ARMC5: variants seen among roughly 807,000 people sequenced by gnomAD.
ARMC5 encodes the protein armadillo repeat-containing protein 5.
In ARMC5, 28 loss-of-function variants were observed where a neutral mutation model predicts 60.5. The observed-to-expected ratio is 0.46, with a 90% confidence interval of 0.34 to 0.63. The LOEUF (loss-of-function observed/expected upper bound fraction) is 0.63. ARMC5 is among the 30% of genes least tolerant of loss of function. The pLI is 0.01. For synonymous variants in ARMC5, 680 were observed against 607.3 expected, an observed-to-expected ratio of 1.12 and a Z score of -1.76; for missense variants, 1,189 against 1,304.9, an observed-to-expected ratio of 0.91 and a Z score of 1.37.
chr16:31,465,746 C>T, intron 4 of ARMC5, 104 bp from the exon 5 acceptor site: 1 of 1,558,936 alleles, frequency 6.4e-7, no homozygotes, highest in Admixed American at 2.0e-5. Flanking sequence ...GATTTCTCAC[C>T]CAGAGGTTTC....
Position 31,459,673 on chromosome 16 carries a change from G to T in ARMC5, c.149G>T (p.Arg50Leu). 1 of 1,579,966 alleles carries T rather than the reference G, an allele frequency of 6.3e-7. No individual in the cohort carries two copies. Among genetic ancestry groups the T allele is most frequent in the Non-Finnish European group, 8.5e-7 (1 of 1,171,324 alleles). The change falls in exon 1 of 6, where the codon CGC becomes CTC. Residue 50 changes from arginine to leucine, a missense_variant. This residue lies in a region of ARMC5 where 327 missense variants were observed against 233.7 expected (regional missense o/e 1.40). Coordinates refer to ENST00000268314, the MANE Select transcript of ARMC5 (RefSeq NM_001105247.2). ...LSRALLALRTRHIKAAGGIER... is the reference protein window; with the variant it reads ...LSRALLALRTLHIKAAGGIER... ...CGCGCGCTCCTAGCCCTCCGCACGC[G>T]CCACATCAAGGCAGCGGGGGGAATC... is the stretch of plus-strand genomic sequence containing the variant.
Position 31,466,985 on chromosome 16 carries a change from C to T in ARMC5, c.*96C>T, listed in dbSNP as rs2082367087. The T allele has an allele frequency of 3.9e-5, 53 of 1,360,382 alleles. No individual in the cohort carries two copies. Among genetic ancestry groups the T allele is most frequent in the Non-Finnish European group, 4.8e-5 (50 of 1,042,760 alleles). The allele number at this position is 1,360,382 out of a possible 1,614,324, so 84.3% of individuals were successfully genotyped here. A position where few individuals can be genotyped will look rare whatever the true frequency, so the allele number is the denominator to read the frequency against. On this transcript the variant is annotated 3_prime_UTR_variant, in exon 6 of 6. Transcript: ENST00000268314. This position sits in a 1 kb window ranked among gnomAD's most constrained non-coding sequence, Gnocchi z 8.0. ...AGGGAGGAGGCTGAGCAGAAGGAGT[C>T]ATCATGGAGGAGCGGTGAGAACATG...
At position 31,462,768 on chromosome 16, in the gene ARMC5, G is replaced by T. The variant is rs1323921391; in HGVS notation, c.1221G>T (p.Leu407=). ...FLYDTGALGR[L]QALGLVPLLA... is the part of the protein sequence containing the mutation. ...ATGACACTGGGGCCCTGGGCCGGCT[G>T]CAGGCTCTGGGACTTGTGCCTCTCC... The change falls in exon 3 of 6, where the codon CTG becomes CTT. Residue 407 remains leucine (L), a synonymous_variant. Transcript: ENST00000268314. The surrounding 1 kb of genome is among the most constrained non-coding windows in gnomAD (Gnocchi z 7.2). 2 of 1,613,794 alleles carry T rather than the reference G, an allele frequency of 1.2e-6. No homozygotes were observed. Among genetic ancestry groups the T allele is most frequent in the Non-Finnish European group, 1.7e-6 (2 of 1,180,036 alleles).
Position 31,462,301 on chromosome 16 carries a change from G to C in ARMC5, c.754G>C (p.Ala252Pro), listed in dbSNP as rs199526370. 2.5e-6 allele frequency: 4 copies of C among 1,610,136 alleles called. No individual in the cohort carries two copies. Among genetic ancestry groups the C allele is most frequent in the African/African-American group, 1.3e-5 (1 of 74,936 alleles). ...CGAGCTCCTGGCCACTGCCCCAGAT[G>C]CTGCACTGACCTTAGCCCTCGTCCG... ...LAELLATAPD[A>P]ALTLALVRAL... is the part of the protein sequence containing the mutation. The change falls in exon 3 of 6, where the codon GCT (alanine) becomes CCT (proline). Residue 252 changes from alanine (A) to proline (P), a missense_variant. Physicochemically the swap from Ala to Pro is conservative, Grantham distance 27 (BLOSUM62 -1). Transcript: ENST00000268314. This position sits in a 1 kb window ranked among gnomAD's most constrained non-coding sequence, Gnocchi z 7.2.
At position 31,459,773 on chromosome 16, in the gene ARMC5, C is replaced by T. The variant is rs1165006192; in HGVS notation, c.249C>T (p.Ala83=). 1.9e-6 allele frequency: 3 copies of T among 1,540,210 alleles called. No homozygotes were observed. Among genetic ancestry groups the T allele is most frequent in the African/African-American group, 2.8e-5 (2 of 72,168 alleles). The change falls in exon 1 of 6, where the codon GCC becomes GCT. Residue 83 remains alanine (A), a synonymous_variant. Transcript: ENST00000268314. ...GGCGAGCGGCTGCAGCGGGTTCCGC[C>T]CCGTCCCAGGCAGGCCCCGGCTCCG... ...LLRRAAAAGS[A]PSQAGPGSAP...
chr16:31,459,150 G>C (rs552277225), upstream of ARMC5: 4 of 1,501,450 alleles, frequency 2.7e-6, no homozygotes, highest in Non-Finnish European at 3.5e-6. Flanking sequence ...GGTCCCCGCC[G>C]AGTGCACGCC....
chr16:31,466,685 A>C lies in ARMC5; in HGVS notation c.2604A>C (p.Ser868=). The change falls in exon 6 of 6, where the codon TCA becomes TCC. Residue 868 remains serine, a synonymous_variant. Transcript: ENST00000268314. The surrounding 1 kb of genome is among the most constrained non-coding windows in gnomAD (Gnocchi z 8.0). The stretch of plus-strand genomic sequence containing the variant: ...TGGGACCCCAGGGTGGCCCGGAGTC[A>C]GTGGGTGAGGTGTTCCGCCTGGGCC... ...IHLGPQGGPE[S]VGEVFRLGRP... 1 of 1,573,072 alleles carries C rather than the reference A, an allele frequency of 6.4e-7. No individual in the cohort carries two copies. The highest frequency in any genetic ancestry group is 1.2e-5 in the South Asian group (1 of 85,940).
At chr16:31,459,350 C>T (rs1317904015), upstream of ARMC5, 9 of 1,535,808 alleles carry the variant, frequency 5.9e-6, no homozygotes, top group Non-Finnish European at 7.8e-6. Context: ...GGTACTGCCG[C>T]GCCTCGTGTG....
chr16:31,462,073 A>G lies in ARMC5; in HGVS notation c.583+44A>G. On this transcript the variant is annotated intron_variant, in intron 2 of 5. Coordinates refer to ENST00000268314, the MANE Select transcript of ARMC5 (RefSeq NM_001105247.2). The surrounding 1 kb of genome is among the most constrained non-coding windows in gnomAD (Gnocchi z 7.2). ...GGGGTCTGCTAGGGCTTGGGGCAGA[A>G]GAAAGGCTTGAGTGTCTGTCCTTGT... 6.2e-7 allele frequency: 1 copy of G among 1,613,494 alleles called. No individual in the cohort carries two copies. The highest frequency in any genetic ancestry group is 1.1e-5 in the South Asian group (1 of 91,056).
At position 31,462,101 on chromosome 16, in the gene ARMC5, A is replaced by G. The variant is rs1369296446; in HGVS notation, c.584-30A>G. The G allele has an allele frequency of 6.2e-7, 1 of 1,612,172 alleles. No individual in the cohort carries two copies. Among genetic ancestry groups the G allele is most frequent in the Non-Finnish European group, 8.5e-7 (1 of 1,178,992 alleles). On this transcript the variant is annotated intron_variant, in intron 2 of 5. Transcript: ENST00000268314. The surrounding 1 kb of genome is among the most constrained non-coding windows in gnomAD (Gnocchi z 7.2). ...AAGGCTTGAGTGTCTGTCCTTGTTC[A>G]CCCTCTGTGCTCCCCTTTCCTGCCC... is the stretch of plus-strand genomic sequence containing the variant.
At chr16:31,465,020 C>T (rs765038485) in intron 4 of ARMC5, 133 bp downstream of exon 4, 2 of 1,612,234 alleles carry the variant, frequency 1.2e-6, no homozygotes, top group South Asian at 2.2e-5. Context: ...AACCTGTCAC[C>T]AGAGTGGGGT....
upstream of ARMC5, chr16:31,459,391 A>C (rs1212335506): frequency 6.5e-7 from 1 of 1,537,092 alleles, no homozygotes; most frequent in South Asian, 1.2e-5. Flanking sequence ...CGAGAACTAC[A>C]ACTTCCGACT....
At chr16:31,465,574 C>T in intron 4 of ARMC5, 1 of 1,264,394 alleles carries the variant, frequency 7.9e-7, no homozygotes, top group Non-Finnish European at 1.0e-6. Context: ...TTGTATTATA[C>T]TGGAACAGCT....
chr16:31,462,085 G>A lies in ARMC5; in HGVS notation c.584-46G>A. On this transcript the variant is annotated intron_variant, in intron 2 of 5. Transcript: ENST00000268314. The surrounding 1 kb of genome is among the most constrained non-coding windows in gnomAD (Gnocchi z 7.2). ...GGCTTGGGGCAGAAGAAAGGCTTGA[G>A]TGTCTGTCCTTGTTCACCCTCTGTG... 6.2e-7 allele frequency: 1 copy of A among 1,613,374 alleles called. No homozygotes were observed.
chr16:31,463,161 C>T (rs1368053629), intron 3 of ARMC5, among the ~76,000 whole-genome samples: 1 of 151,926 alleles, frequency 6.6e-6, no homozygotes, highest in Non-Finnish European at 1.5e-5. Context: ...TGCAGTGGTG[C>T]CATCTCCACT....
intron 1 of ARMC5, among the ~76,000 whole-genome samples, chr16:31,461,661 C>A (rs1567374837): frequency 6.6e-6 from 1 of 152,210 alleles, no homozygotes; most frequent in African/African-American, 2.4e-5. Flanking sequence ...GCGTGTACCA[C>A]CATGCCCAGA....
At chr16:31,465,806 G>T in intron 4 of ARMC5, 44 bp from the exon 5 acceptor site, 2 of 1,603,606 alleles carry the variant, frequency 1.2e-6, no homozygotes, top group Admixed American at 1.7e-5. Flanking sequence ...CACCCCACCT[G>T]TCTTAGACCC....
At chr16:31,460,107 T>A in intron 1 of ARMC5, 108 bp downstream of exon 1, 2 of 1,210,774 alleles carry the variant, frequency 1.7e-6, no homozygotes, top group Non-Finnish European at 2.3e-6. Context: ...ATAACGTGCT[T>A]TGTGATGGCG....
At position 31,462,927 on chromosome 16, in the gene ARMC5, T is replaced by G. The variant is rs563398468; in HGVS notation, c.1370+10T>G. Reference sequence around the variant, plus strand: ...GCTTCCGGAGCCTCAGGTGAGTCCCTGCCTCAGGGCTTGGGAGGGTGAGCA... The same window carrying G: ...GCTTCCGGAGCCTCAGGTGAGTCCCGGCCTCAGGGCTTGGGAGGGTGAGCA... On this transcript the variant is annotated intron_variant, in intron 3 of 5. Coordinates refer to ENST00000268314, the MANE Select transcript of ARMC5 (RefSeq NM_001105247.2). This position sits in a 1 kb window ranked among gnomAD's most constrained non-coding sequence, Gnocchi z 7.2. 16 of 1,560,530 alleles carry G rather than the reference T, an allele frequency of 1.0e-5. No individual in the cohort carries two copies. Among genetic ancestry groups the G allele is most frequent in the African/African-American group, 6.8e-5 (5 of 73,802 alleles).
Sources: gnomAD v4.1 joint callset for allele counts (sites outside exome capture counted in the v4.1 genomes callset) on GRCh38, gnomAD v4.1.1 for gene constraint, gnomAD v4.1.1 regional missense constraint, Gnocchi (gnomAD v3.1) non-coding constraint, MANE v1.5 for transcripts, NCBI Gene and HGNC (gene_info 2026-07-23, HGNC 2026-07-21) for gene names.